Variants in TGFBR3 observed in about 807,000 individuals in gnomAD.
TGFBR3 encodes transforming growth factor beta receptor 3, also known as transforming growth factor beta receptor type 3.
TGFBR3 carries 46 observed loss-of-function variants against 87.9 expected under a neutral mutation model. The observed-to-expected ratio is 0.52, with a 90% CI of 0.41 to 0.67. The LOEUF (loss-of-function observed/expected upper bound fraction) is 0.67, where lower values mean the gene tolerates loss of function less well. TGFBR3 is among the 30% of genes least tolerant of loss of function. The pLI, the probability that TGFBR3 is intolerant of heterozygous loss-of-function variation, is 0.00. For missense variants in TGFBR3, 866 were observed against 1,041.9 expected (o/e 0.83, Z 2.32); for synonymous variants, 381 against 391.6 (o/e 0.97, Z 0.32).
At chr1:91,771,355 T>C (rs370744137) in intron 3 of TGFBR3, among the ~76,000 whole-genome samples, 3 of 152,176 alleles carry the variant, frequency 2.0e-5, no homozygotes, top group African/African-American at 7.2e-5. Flanking sequence ...CATGATTTCA[T>C]GTTTAGGAAG....
intron 3 of TGFBR3, among the ~76,000 whole-genome samples, chr1:91,780,507 C>G (rs1248239751): frequency 2.1e-5 from 3 of 144,868 alleles, no homozygotes; most frequent in Non-Finnish European, 4.5e-5. Flanking sequence ...ACCATGAAAA[C>G]TATTCCTACA....
chr1:91,781,267 T>C (rs1368428885), intron 3 of TGFBR3, among the ~76,000 whole-genome samples: 3 of 152,208 alleles, frequency 2.0e-5, no homozygotes, highest in Non-Finnish European at 4.4e-5. Flanking sequence ...GAGCATTTGT[T>C]TCATCTGTTC....
Position 91,716,378 on chromosome 1 carries a change from T to C in TGFBR3, c.1724A>G (p.Gln575Arg). ...PEIVVFNCSL[Q>R]QVRNPSSFQE... ...GAAGCTGCTGGGGTTCCTCACCTGC[T>C]GAAGGCTGCAATTAAACTGGAAATA... Residue 575 changes from glutamine to arginine, a missense_variant, in exon 12 of 17, where the codon CAG becomes CGG. Transcript: ENST00000212355. 6.2e-7 allele frequency: 1 copy of C among 1,614,170 alleles called. No individual in the cohort carries two copies. Among genetic ancestry groups the C allele is most frequent in the Non-Finnish European group, 8.5e-7 (1 of 1,180,010 alleles).
At chr1:91,720,744 T>A (rs1420433878) in intron 8 of TGFBR3, among the ~76,000 whole-genome samples, 1 of 152,232 alleles carries the variant, frequency 6.6e-6, no homozygotes, top group South Asian at 2.1e-4. Context: ...CATGATGCAA[T>A]ATTATTCCAT....
chr1:91,786,002 G>A (rs1674943649), intron 3 of TGFBR3, among the ~76,000 whole-genome samples: 1 of 152,016 alleles, frequency 6.6e-6, no homozygotes, highest in South Asian at 2.1e-4. Flanking sequence ...AAGCTCAAGC[G>A]ATCTGCCCGC....
rs1245760924 is a variant in TGFBR3, at chr1:91,850,102, A to T, written c.61+11369T>A. On this transcript the variant is annotated intron_variant, in intron 2 of 16. Transcript: ENST00000212355. ...TCTCAAAAAAAAAAAAAAAAAAAAA[A>T]AAGAAAGAAAAAGAAAAAAATGAAA... 3.4e-4 allele frequency among the ~76,000 whole-genome samples: 50 copies of T among 145,772 alleles called. 1 individual carries two copies. In the East Asian group the frequency reaches 8.1e-3, roughly 24 times the overall value.
intron 2 of TGFBR3, among the ~76,000 whole-genome samples, chr1:91,798,213 A>T (rs969010446): frequency 1.3e-5 from 2 of 152,194 alleles, no homozygotes; most frequent in African/African-American, 4.8e-5. Flanking sequence ...CTGAGGACTC[A>T]AGCTCTGCAT....
chr1:91,902,594 A>AT (rs953787688), intron 1 of TGFBR3, among the ~76,000 whole-genome samples: 42 of 146,468 alleles, frequency 2.9e-4, no homozygotes, highest in Middle Eastern at 3.6e-3. Context: ...AGTGCAGTTT[A>AT]TTTTTTTTTT....
upstream of TGFBR3, chr1:91,886,371 C>G (rs1489980260): frequency 2.9e-6 from 1 of 348,468 alleles, no homozygotes; most frequent in Admixed American, 3.7e-5. Context: ...GCCCCGAATG[C>G]TGCTCGAGCC....
chr1:91,822,185 T>C (rs1676471291), intron 2 of TGFBR3, among the ~76,000 whole-genome samples: 1 of 150,870 alleles, frequency 6.6e-6, no homozygotes, highest in South Asian at 2.1e-4. Context: ...GCCTTTAGAA[T>C]CTGGAGAGAT....
chr1:91,694,253 A>G (rs1671357881), intron 16 of TGFBR3, among the ~76,000 whole-genome samples: 2 of 152,208 alleles, frequency 1.3e-5, no homozygotes, highest in South Asian at 4.1e-4. Flanking sequence ...CCTGCCTCCC[A>G]AAATGCTAGG....
chr1:91,863,568 T>C (rs1483576340), intron 1 of TGFBR3, among the ~76,000 whole-genome samples: 2 of 152,228 alleles, frequency 1.3e-5, no homozygotes, highest in Admixed American at 6.5e-5. Context: ...CCATTCTCTT[T>C]GAGCTATTTA....
At chr1:91,861,857 C>CTTTTT (rs11414154) in intron 1 of TGFBR3, 10 of 248,928 alleles carry the variant, frequency 4.0e-5, no homozygotes, top group South Asian at 7.6e-5. Flanking sequence ...TTGTTATTGG[C>CTTTTT]TTTTTTTTTT....
At chr1:91,880,798 G>C (rs1679053297) in intron 1 of TGFBR3, among the ~76,000 whole-genome samples, 1 of 151,324 alleles carries the variant, frequency 6.6e-6, no homozygotes, top group South Asian at 2.1e-4. Flanking sequence ...AGGATCACTT[G>C]AGCCCAGGAG....
At chr1:91,791,975 C>T (rs576152547) in intron 3 of TGFBR3, among the ~76,000 whole-genome samples, 1 of 152,306 alleles carries the variant, frequency 6.6e-6, no homozygotes, top group South Asian at 2.1e-4. Flanking sequence ...ACAGTGTTTA[C>T]TTCCTTCTCT....
chr1:91,899,109 A>G (rs1367499003), intron 2 of TGFBR3, among the ~76,000 whole-genome samples: 1 of 152,210 alleles, frequency 6.6e-6, no homozygotes, highest in Non-Finnish European at 1.5e-5. Context: ...TTAATAATGT[A>G]TTATAATTTC....
At chr1:91,830,994 G>A (rs373273941) in intron 2 of TGFBR3, among the ~76,000 whole-genome samples, 14 of 152,018 alleles carry the variant, frequency 9.2e-5, no homozygotes, top group African/African-American at 3.1e-4. Flanking sequence ...CTTCTGGACT[G>A]GAGTCCCAAA....
chr1:91,822,922 C>A (rs1245958620), intron 2 of TGFBR3, among the ~76,000 whole-genome samples: 2 of 151,932 alleles, frequency 1.3e-5, no homozygotes, highest in African/African-American at 2.4e-5. Flanking sequence ...CTAGATAGAC[C>A]CTGTCTCAAA....
intron 3 of TGFBR3, among the ~76,000 whole-genome samples, chr1:91,766,141 C>A (rs1674172980): frequency 6.6e-6 from 1 of 152,100 alleles, no homozygotes; most frequent in East Asian, 1.9e-4. Flanking sequence ...CCTGTCTTGG[C>A]CTCCCAAGTA....
Sources: allele counts gnomAD v4.1 joint callset (sites outside exome capture counted in the v4.1 genomes callset), GRCh38; gene constraint gnomAD v4.1.1; transcripts MANE v1.5; gene names NCBI Gene and HGNC (gene_info 2026-07-23, HGNC 2026-07-21).